Variants in SUPT3H observed in about 807,000 individuals in gnomAD.
The protein encoded by SUPT3H is transcription initiation protein SPT3 homolog.
Under a neutral mutation model 44.3 loss-of-function variants are expected in SUPT3H, and 44 were observed. That is an observed-to-expected ratio of 0.99 (90% CI 0.78 to 1.28). The LOEUF is 1.28. SUPT3H is among the 50% of genes most tolerant of loss of function. The probability of loss-of-function intolerance (pLI) is 0.00; values close to 1 mark genes in which losing one functional copy is unlikely to be tolerated. For missense variants in SUPT3H, 380 were observed against 387.1 expected (o/e 0.98, Z 0.15); for synonymous variants, 124 against 125.6 (o/e 0.99, Z 0.09).
intron 10 of SUPT3H, among the ~76,000 whole-genome samples, chr6:44,928,883 A>AAAATAAAAAT: frequency 1.6e-5 from 1 of 63,392 alleles, no homozygotes; most frequent in Admixed American, 1.7e-4. Flanking sequence ...ACTCCGTCTC[A>AAAATAAAAAT]AAAAAAAAAA....
At chr6:45,303,922 G>A (rs972793399) in intron 2 of SUPT3H, among the ~76,000 whole-genome samples, 3 of 151,668 alleles carry the variant, frequency 2.0e-5, no homozygotes, top group Non-Finnish European at 4.4e-5. Flanking sequence ...GAACCCAGGA[G>A]GGGGAGGTTG....
At chr6:45,314,096 T>C (rs1273170390) in intron 2 of SUPT3H, among the ~76,000 whole-genome samples, 1 of 152,172 alleles carries the variant, frequency 6.6e-6, no homozygotes, top group African/African-American at 2.4e-5. Context: ...CCAGCATCCC[T>C]TTATGATCAA....
At chr6:44,825,153 A>AT (rs967343074), downstream of SUPT3H, among the ~76,000 whole-genome samples, 3 of 152,108 alleles carry the variant, frequency 2.0e-5, no homozygotes, top group Non-Finnish European at 2.9e-5. Flanking sequence ...TCTTTGAGGA[A>AT]TTTTTTCCCA....
chr6:45,093,080 C>A (rs1449546839), intron 3 of SUPT3H, among the ~76,000 whole-genome samples: 3 of 151,916 alleles, frequency 2.0e-5, no homozygotes, highest in East Asian at 3.9e-4. Flanking sequence ...TAAAATAACA[C>A]CCCAATAAAA....
rs1228265764 is a variant in SUPT3H, at chr6:45,067,387, C to T, written c.186+38535G>A. Reference sequence around the variant, plus strand: ...AGAAGAAAACCTAGGCATTACCCTTCAGGACATAGGCATGGGCAAGGACTT... The same window carrying T: ...AGAAGAAAACCTAGGCATTACCCTTTAGGACATAGGCATGGGCAAGGACTT... On this transcript the variant is annotated intron_variant, in intron 3 of 10. Transcript: ENST00000371459. Among the ~76,000 whole-genome samples the T allele has an allele frequency of 3.2e-5, 4 of 125,584 alleles. No individual in the cohort carries two copies. In the East Asian group the frequency reaches 6.7e-4, roughly 21 times the overall value. The allele number at this position is 125,584 out of a possible 152,430, so 82.4% of individuals were successfully genotyped here. A position where few individuals can be genotyped will look rare whatever the true frequency, so the allele number is the denominator to read the frequency against.
chr6:44,828,972 TGCTAACA>T lies in SUPT3H; in HGVS notation c.*837_*843del, dbSNP rs1768133329. On this transcript the variant is annotated 3_prime_UTR_variant, in exon 11 of 11. Transcript: ENST00000371459. ...ATAGATGCCAGAAGGGTAGCTCGGC[TGCTAACA>T]GCAAGAAATTACCCAGCCCACATTT... The T allele has an allele frequency of 6.6e-6, 1 of 152,640 alleles. No homozygotes were observed. The highest frequency in any genetic ancestry group is 1.5e-5 in the Non-Finnish European group (1 of 68,038). 9.5% of individuals were successfully genotyped at this position (152,640 alleles called of 1,614,324 possible).
chr6:45,183,402 A>C (rs539535715), intron 2 of SUPT3H, among the ~76,000 whole-genome samples: 38 of 152,242 alleles, frequency 2.5e-4, no homozygotes, highest in Non-Finnish European at 5.0e-4. Flanking sequence ...AGTAATGTAC[A>C]TAAGTAACTG....
intron 10 of SUPT3H, among the ~76,000 whole-genome samples, chr6:44,856,248 T>G (rs1337447583): frequency 6.6e-6 from 1 of 152,180 alleles, no homozygotes; most frequent in Non-Finnish European, 1.5e-5. Flanking sequence ...CATAATGTTC[T>G]GCACTCAGCT....
intron 10 of SUPT3H, among the ~76,000 whole-genome samples, chr6:44,831,232 G>A (rs1429966370): frequency 6.6e-6 from 1 of 152,166 alleles, no homozygotes; most frequent in Non-Finnish European, 1.5e-5. Flanking sequence ...GTGTATCAGG[G>A]ATGACAAAAC....
intron 2 of SUPT3H, among the ~76,000 whole-genome samples, chr6:45,168,698 C>G (rs890604674): frequency 1.3e-5 from 2 of 152,110 alleles, no homozygotes; most frequent in African/African-American, 4.8e-5. Flanking sequence ...AAATCTGGGC[C>G]AGAGAAAGTT....
At chr6:44,940,687 AGTCTAGTAATATTTGTTTAG>A (rs1562093551) in intron 9 of SUPT3H, among the ~76,000 whole-genome samples, 2 of 152,232 alleles carry the variant, frequency 1.3e-5, no homozygotes, top group African/African-American at 2.4e-5. Context: ...TCTAGTAATA[AGTCTAGTAATATTTGTTTAG>A]GTCTAGTAAT....
chr6:45,116,329 C>T (rs1800836623), intron 2 of SUPT3H, among the ~76,000 whole-genome samples: 1 of 152,148 alleles, frequency 6.6e-6, no homozygotes, highest in Non-Finnish European at 1.5e-5. Flanking sequence ...CAATTATTAA[C>T]ATTTTAGCAC....
chr6:45,342,463 G>A (rs768351384), intron 2 of SUPT3H, among the ~76,000 whole-genome samples: 3 of 152,076 alleles, frequency 2.0e-5, no homozygotes, highest in Non-Finnish European at 2.9e-5. Context: ...GTTTCAACAT[G>A]TTGGCCAGGA....
intron 2 of SUPT3H, among the ~76,000 whole-genome samples, chr6:45,153,967 G>T (rs1807373069): frequency 6.6e-6 from 1 of 151,024 alleles, no homozygotes; most frequent in South Asian, 2.1e-4. Context: ...CTACTCGGGA[G>T]GCTGAGGCAG....
intron 3 of SUPT3H, among the ~76,000 whole-genome samples, chr6:45,070,945 A>C (rs962056421): frequency 6.6e-6 from 1 of 152,122 alleles, no homozygotes; most frequent in Non-Finnish European, 1.5e-5. Flanking sequence ...CAAATTCCCT[A>C]TTCTTTGTAA....
chr6:44,997,582 G>T (rs1781432977), intron 6 of SUPT3H, among the ~76,000 whole-genome samples: 2 of 151,648 alleles, frequency 1.3e-5, no homozygotes, highest in Admixed American at 1.3e-4. Flanking sequence ...TGATGCTCAA[G>T]GATTACCAAA....
At chr6:45,202,071 T>C (rs1319574535) in intron 2 of SUPT3H, among the ~76,000 whole-genome samples, 4 of 151,966 alleles carry the variant, frequency 2.6e-5, no homozygotes, top group Non-Finnish European at 4.4e-5. Context: ...GTACAAATCA[T>C]ATATTTTGCC....
intron 10 of SUPT3H, among the ~76,000 whole-genome samples, chr6:44,842,984 T>G (rs1771245679): frequency 6.6e-6 from 1 of 152,110 alleles, no homozygotes; most frequent in Non-Finnish European, 1.5e-5. Context: ...GGGCACATTG[T>G]GGCTACCCAA....
intron 2 of SUPT3H, among the ~76,000 whole-genome samples, chr6:45,203,063 A>T (rs950287602): frequency 1.3e-5 from 2 of 152,160 alleles, no homozygotes; most frequent in African/African-American, 4.8e-5. Context: ...GACTCCATGA[A>T]GGAAGTCTTG....
Sources: gnomAD v4.1 joint callset for allele counts (sites outside exome capture counted in the v4.1 genomes callset) on GRCh38, gnomAD v4.1.1 for gene constraint, MANE v1.5 for transcripts, NCBI Gene and HGNC (gene_info 2026-07-23, HGNC 2026-07-21) for gene names.